Variants in SLC24A3 observed in about 807,000 individuals in gnomAD.
SLC24A3 encodes sodium/potassium/calcium exchanger 3.
In SLC24A3, 28 loss-of-function variants were observed where a neutral mutation model predicts 75.8. That is an observed-to-expected ratio of 0.37 (90% CI 0.27 to 0.51). The LOEUF (loss-of-function observed/expected upper bound fraction) is 0.51, where lower values mean the gene tolerates loss of function less well. Ranked by LOEUF, SLC24A3 falls within the 20% of genes least tolerant of loss-of-function variation. The probability of loss-of-function intolerance (pLI) is 0.94; values close to 1 mark genes in which losing one functional copy is unlikely to be tolerated. For missense variants in SLC24A3, 663 were observed against 847.8 expected (o/e 0.78, Z 2.71); for synonymous variants, 372 against 334.1 (o/e 1.11, Z -1.24).
intron 2 of SLC24A3, among the ~76,000 whole-genome samples, chr20:19,420,621 TC>T (rs1331829217): frequency 3.8e-5 from 2 of 53,242 alleles, no homozygotes; most frequent in African/African-American, 2.0e-4. Context: ...TTTCATAATT[TC>T]ATAATTTACA....
chr20:19,282,120 C>G (rs73278933), intron 2 of SLC24A3, among the ~76,000 whole-genome samples: 3,258 of 152,222 alleles, frequency 0.021, 43 homozygotes, highest in African/African-American at 0.036. Context: ...GCAGCCCAAA[C>G]AACTACAGGC....
intron 6 of SLC24A3, among the ~76,000 whole-genome samples, chr20:19,641,640 C>G (rs1474672907): frequency 1.3e-5 from 2 of 152,108 alleles, no homozygotes; most frequent in African/African-American, 4.8e-5. Context: ...TCATGGGGTG[C>G]AGCAGGAGGG....
chr20:19,439,194 G>T (rs1987258695), intron 2 of SLC24A3, among the ~76,000 whole-genome samples: 1 of 152,182 alleles, frequency 6.6e-6, no homozygotes, highest in Non-Finnish European at 1.5e-5. Flanking sequence ...CTGTCCTGTT[G>T]GTGACCCCAG....
At chr20:19,565,438 G>T (rs2030941164) in intron 3 of SLC24A3, among the ~76,000 whole-genome samples, 1 of 151,988 alleles carries the variant, frequency 6.6e-6, no homozygotes, top group South Asian at 2.1e-4. Context: ...ATGATTGATT[G>T]GTATAGTAGT....
intron 3 of SLC24A3, among the ~76,000 whole-genome samples, chr20:19,549,288 A>G (rs1040011835): frequency 2.4e-4 from 36 of 152,242 alleles, no homozygotes; most frequent in Non-Finnish European, 4.1e-4. Context: ...ATAGCTAGAC[A>G]TACCTCTACC....
At chr20:19,622,556 G>A (rs976117370) in intron 6 of SLC24A3, among the ~76,000 whole-genome samples, 5 of 152,176 alleles carry the variant, frequency 3.3e-5, no homozygotes, top group African/African-American at 1.2e-4. Flanking sequence ...TGGAGTCTGT[G>A]TCGACTTTTG....
intron 15 of SLC24A3, among the ~76,000 whole-genome samples, chr20:19,713,627 G>A (rs997385626): frequency 1.3e-5 from 2 of 151,960 alleles, no homozygotes; most frequent in South Asian, 2.1e-4. Flanking sequence ...CTACCCTTGC[G>A]GTGTCTGTAA....
intron 2 of SLC24A3, among the ~76,000 whole-genome samples, chr20:19,488,854 G>C (rs547774588): frequency 6.6e-6 from 1 of 152,136 alleles, no homozygotes; most frequent in Non-Finnish European, 1.5e-5. Context: ...AACAAAGTTA[G>C]TGTACACTGA....
intron 1 of SLC24A3, among the ~76,000 whole-genome samples, chr20:19,262,235 C>T (rs1983012102): frequency 6.6e-6 from 1 of 150,724 alleles, no homozygotes; most frequent in East Asian, 1.9e-4. Context: ...AACCCCGTCT[C>T]TACTAAAAAA....
chr20:19,513,738 GA>G (rs11286635), intron 2 of SLC24A3, among the ~76,000 whole-genome samples: 53,591 of 141,590 alleles, frequency 0.38, 10,132 homozygotes, highest in Middle Eastern at 0.51. Flanking sequence ...TTTTTTTTTA[GA>G]AAAAAAAAAA....
intron 2 of SLC24A3, among the ~76,000 whole-genome samples, chr20:19,481,687 G>A (rs1988056848): frequency 1.3e-5 from 2 of 152,060 alleles, no homozygotes; most frequent in African/African-American, 4.8e-5. Flanking sequence ...AAAGTGTCCA[G>A]GGGGATTCCC....
chr20:19,497,756 G>C (rs1340222593), intron 2 of SLC24A3, among the ~76,000 whole-genome samples: 1 of 152,292 alleles, frequency 6.6e-6, no homozygotes, highest in East Asian at 1.9e-4. Context: ...GAGTTCTCAT[G>C]AGGATCAGGA....
At chr20:19,639,927 A>C (rs920036642) in intron 6 of SLC24A3, among the ~76,000 whole-genome samples, 4 of 152,248 alleles carry the variant, frequency 2.6e-5, no homozygotes, top group Non-Finnish European at 5.9e-5. Flanking sequence ...GGCTGCTCCG[A>C]GTGCGGGGGC....
intron 1 of SLC24A3, among the ~76,000 whole-genome samples, chr20:19,246,885 A>G (rs1982504941): frequency 6.6e-6 from 1 of 152,184 alleles, no homozygotes; most frequent in Admixed American, 6.5e-5. Flanking sequence ...AGTAAAGAGT[A>G]TTTATCAAAA....
chr20:19,398,127 C>T (rs1986488577), intron 2 of SLC24A3, among the ~76,000 whole-genome samples: 1 of 152,032 alleles, frequency 6.6e-6, no homozygotes, highest in African/African-American at 2.4e-5. Flanking sequence ...TTCCTTTTGA[C>T]TTATGATTTT....
chr20:19,441,164 C>G (rs1033466130), intron 2 of SLC24A3, among the ~76,000 whole-genome samples: 12 of 152,184 alleles, frequency 7.9e-5, no homozygotes, highest in Non-Finnish European at 1.5e-5. Context: ...CTGTATGGGA[C>G]CTTCCCTTCC....
At chr20:19,682,023 C>A in intron 10 of SLC24A3, 32 bp downstream of exon 10, 1 of 1,609,370 alleles carries the variant, frequency 6.2e-7, no homozygotes, top group South Asian at 1.1e-5. Context: ...GGGTCCAAGG[C>A]AGGAGGATCA....
chr20:19,348,016 C>T (rs889255639), intron 2 of SLC24A3, among the ~76,000 whole-genome samples: 13 of 152,192 alleles, frequency 8.5e-5, no homozygotes, highest in Non-Finnish European at 1.9e-4. Context: ...CTCTCTGATT[C>T]GGTCAACAGT....
intron 1 of SLC24A3, among the ~76,000 whole-genome samples, chr20:19,234,909 T>C (rs1982120320): frequency 6.6e-6 from 1 of 152,212 alleles, no homozygotes; most frequent in Admixed American, 6.5e-5. Flanking sequence ...TCATGAATTC[T>C]CTCTTTTCCT....
Sources: allele counts gnomAD v4.1 joint callset (sites outside exome capture counted in the v4.1 genomes callset), GRCh38; gene constraint gnomAD v4.1.1; transcripts MANE v1.5; gene names NCBI Gene and HGNC (gene_info 2026-07-23, HGNC 2026-07-21).